Variants in RORA observed in about 807,000 individuals in gnomAD.
The protein encoded by RORA is RAR related orphan receptor A.
Under a neutral mutation model 69.5 loss-of-function variants are expected in RORA, and 7 were observed. The ratio of observed to expected loss-of-function variants is 0.10; its 90% CI spans 0.06 to 0.19. RORA has a LOEUF of 0.19. Among genes scored for constraint, RORA ranks in the 10% least tolerant of loss-of-function variants. The probability of loss-of-function intolerance (pLI) is 1.00; values close to 1 mark genes in which losing one functional copy is unlikely to be tolerated. For synonymous variants in RORA, 261 were observed against 240.8 expected (o/e 1.08, Z -0.78); for missense variants, 457 against 663.0 (o/e 0.69, Z 3.41).
At chr15:60,627,510 T>A in intron 2 of RORA, 1 of 1,495,986 alleles carries the variant, frequency 6.7e-7, no homozygotes, top group Non-Finnish European at 8.9e-7. Flanking sequence ...TGGGGGATAA[T>A]GCTCAGAGGC....
At chr15:60,657,687 T>C (rs557559201) in intron 2 of RORA, among the ~76,000 whole-genome samples, 1 of 152,342 alleles carries the variant, frequency 6.6e-6, no homozygotes, top group South Asian at 2.1e-4. Context: ...TCTTGGGTTG[T>C]AAGTAAGCTA....
intron 1 of RORA, among the ~76,000 whole-genome samples, chr15:60,794,073 G>A (rs942140347): frequency 2.0e-5 from 3 of 152,208 alleles, no homozygotes; most frequent in Non-Finnish European, 4.4e-5. Context: ...ATTCTGCTGA[G>A]TGCCGTGTGT....
At chr15:60,515,033 T>C (rs2065819159) in intron 3 of RORA, among the ~76,000 whole-genome samples, 1 of 152,204 alleles carries the variant, frequency 6.6e-6, no homozygotes, top group African/African-American at 2.4e-5. Flanking sequence ...ACCAGGTCCT[T>C]GTTCTTGGCT....
rs186495994 is a variant in RORA, at chr15:60,533,937, G to C, written c.197-2086C>G. Among the ~76,000 whole-genome samples the C allele has an allele frequency of 4.6e-5, 7 of 152,302 alleles. 2 individuals are homozygous for C. Among genetic ancestry groups the C allele is most frequent in the African/African-American group, 1.7e-4 (7 of 41,550 alleles). On this transcript the variant is annotated intron_variant, in intron 2 of 10. Transcript: ENST00000335670. ...TAAGTCAGCATCAAAACTACCTGAC[G>C]CTAAACTTGGGCCTTTCAAGAGTTA...
intron 1 of RORA, among the ~76,000 whole-genome samples, chr15:60,872,739 C>A (rs1459506777): frequency 6.6e-6 from 1 of 152,118 alleles, no homozygotes. Flanking sequence ...TTGCACAATT[C>A]CCCAGCAACA....
intron 1 of RORA, among the ~76,000 whole-genome samples, chr15:60,798,693 A>T (rs2072533905): frequency 6.6e-6 from 1 of 151,980 alleles, no homozygotes; most frequent in Admixed American, 6.6e-5. Flanking sequence ...GGTAGCGGGG[A>T]GGGGACACAG....
At chr15:60,624,419 A>G (rs1647991) in intron 2 of RORA, among the ~76,000 whole-genome samples, 4,107 of 141,694 alleles carry the variant, frequency 0.029, 185 homozygotes, top group African/African-American at 0.1. Flanking sequence ...ACCCGCTGAT[A>G]TAAGTTAACC....
Position 61,148,741 on chromosome 15 carries a change from C to G in RORA, c.166+80312G>C, listed in dbSNP as rs190177231. 4.3e-3 allele frequency among the ~76,000 whole-genome samples: 655 copies of G among 152,224 alleles called. 2 individuals carry two copies. Among genetic ancestry groups the G allele is most frequent in the South Asian group, 0.014 (68 of 4,814 alleles). ...AAATGTCCAATATTATTATGAAATTCTTATAAATCTACTCAGCAGTTAATT... is the reference window on the plus strand; with the variant it reads ...AAATGTCCAATATTATTATGAAATTGTTATAAATCTACTCAGCAGTTAATT... On this transcript the variant is annotated intron_variant, in intron 1 of 10. Coordinates refer to ENST00000335670, the MANE Select transcript of RORA (RefSeq NM_134261.3).
At chr15:61,093,809 A>G (rs181994833) in intron 1 of RORA, among the ~76,000 whole-genome samples, 1 of 152,328 alleles carries the variant, frequency 6.6e-6, no homozygotes, top group Non-Finnish European at 1.5e-5. Flanking sequence ...CACAAGGTCT[A>G]CAAGTAGTTG....
At chr15:60,919,514 G>A (rs1412392203) in intron 1 of RORA, among the ~76,000 whole-genome samples, 1 of 152,162 alleles carries the variant, frequency 6.6e-6, no homozygotes, top group Non-Finnish European at 1.5e-5. Context: ...ACCTATATAG[G>A]GAGTGCCTCT....
intron 2 of RORA, among the ~76,000 whole-genome samples, chr15:60,596,568 A>G (rs2068670419): frequency 6.6e-6 from 1 of 152,064 alleles, no homozygotes; most frequent in Admixed American, 6.5e-5. Flanking sequence ...ATCACAAACT[A>G]ACCTAGAAGA....
chr15:61,212,973 T>G (rs1294968296), intron 1 of RORA, among the ~76,000 whole-genome samples: 1 of 152,156 alleles, frequency 6.6e-6, no homozygotes, highest in African/African-American at 2.4e-5. Context: ...TACTTGCTAT[T>G]GCTATTTTTT....
chr15:60,855,755 C>CG (rs55756956), intron 1 of RORA, among the ~76,000 whole-genome samples: 94 of 4,104 alleles, frequency 0.023, no homozygotes, highest in Admixed American at 0.032. Flanking sequence ...TGAGTAGCTG[C>CG]ACAGGCGCCC....
rs139347088 is a variant in RORA, at chr15:61,004,578, A to T, written c.166+224475T>A. On this transcript the variant is annotated intron_variant, in intron 1 of 10. Transcript: ENST00000335670. Reference sequence around the variant, plus strand: ...GAGAAGAAATCCACAGAGGCCTGGGAGGGTACTCTGAACCCCCACTTCCTC... The same window carrying T: ...GAGAAGAAATCCACAGAGGCCTGGGTGGGTACTCTGAACCCCCACTTCCTC... Among the ~76,000 whole-genome samples, 639 of 152,242 alleles carry T rather than the reference A, an allele frequency of 4.2e-3. 5 individuals carry two copies. Among genetic ancestry groups the T allele is most frequent in the African/African-American group, 0.015 (613 of 41,542 alleles).
intron 1 of RORA, among the ~76,000 whole-genome samples, chr15:60,845,440 T>G (rs1346781154): frequency 6.6e-6 from 1 of 152,182 alleles, no homozygotes; most frequent in Non-Finnish European, 1.5e-5. Context: ...AACCTTTTCG[T>G]TTCCCCAGGC....
intron 2 of RORA, among the ~76,000 whole-genome samples, chr15:60,572,767 C>T (rs561670918): frequency 2.0e-5 from 3 of 152,286 alleles, no homozygotes; most frequent in African/African-American, 7.2e-5. Context: ...TATTCTGGAT[C>T]AATTTGTCAA....
intron 1 of RORA, among the ~76,000 whole-genome samples, chr15:60,850,515 T>C (rs965337682): frequency 6.6e-6 from 1 of 152,132 alleles, no homozygotes; most frequent in African/African-American, 2.4e-5. Flanking sequence ...GGGATAATAA[T>C]GATATCCTCC....
intron 2 of RORA, among the ~76,000 whole-genome samples, chr15:60,667,437 C>A (rs796535011): frequency 1.2e-4 from 18 of 152,254 alleles, no homozygotes; most frequent in African/African-American, 3.6e-4. Context: ...AGCCTCCCTG[C>A]CGGGTGCTTT....
At chr15:60,795,600 C>T (rs1362457288) in intron 1 of RORA, among the ~76,000 whole-genome samples, 1 of 152,156 alleles carries the variant, frequency 6.6e-6, no homozygotes, top group African/African-American at 2.4e-5. Context: ...TCTCAAACAG[C>T]CACTGATCTC....
Sources: gnomAD v4.1 joint callset for allele counts (sites outside exome capture counted in the v4.1 genomes callset) on GRCh38, gnomAD v4.1.1 for gene constraint, MANE v1.5 for transcripts, NCBI Gene and HGNC (gene_info 2026-07-23, HGNC 2026-07-21) for gene names.